The following LAMC3 variants were observed in gnomAD, a reference collection of about 807,000 sequenced individuals.
LAMC3 encodes the protein laminin subunit gamma 3.
A neutral mutation model predicts 173.8 loss-of-function variants in LAMC3; 128 were observed. That is an observed-to-expected ratio of 0.74 (90% CI 0.64 to 0.85). LAMC3 has a LOEUF of 0.85. Among genes scored for constraint, LAMC3 ranks in the 40% least tolerant of loss-of-function variants. The probability of loss-of-function intolerance (pLI) is 0.00; values close to 1 mark genes in which losing one functional copy is unlikely to be tolerated. For missense variants in LAMC3, 2,022 were observed against 2,156.0 expected, an observed-to-expected ratio of 0.94 and a Z score of 1.23; for synonymous variants, 897 against 909.1, an observed-to-expected ratio of 0.99 and a Z score of 0.24.
At chr9:131,068,011 T>G in intron 14 of LAMC3, 67 bp from the exon 15 acceptor site, 5 of 1,557,806 alleles carry the variant, frequency 3.2e-6, no homozygotes, top group Non-Finnish European at 4.4e-6. Context: ...CTGCCTCTGT[T>G]GGACCCCCAA....
At chr9:131,064,624 A>G (rs181916307) in intron 13 of LAMC3, among the ~76,000 whole-genome samples, 2 of 151,092 alleles carry the variant, frequency 1.3e-5, no homozygotes, top group Non-Finnish European at 2.9e-5. Flanking sequence ...AGATCGCGCC[A>G]CTGCACTCCA....
At chr9:131,076,675 AGAAAACCC>A (rs1830134113) in intron 21 of LAMC3, among the ~76,000 whole-genome samples, 1 of 152,154 alleles carries the variant, frequency 6.6e-6, no homozygotes, top group Non-Finnish European at 1.5e-5. Flanking sequence ...TGGTCAGGAC[AGAAAACCC>A]ATCCTAGCTG....
chr9:131,026,619 G>T lies in LAMC3; in HGVS notation c.678+30G>T. 2 of 1,536,002 alleles carry T rather than the reference G, an allele frequency of 1.3e-6. No homozygotes were observed. The highest frequency in any genetic ancestry group is 1.2e-5 in the South Asian group (1 of 82,280). ...GGGAGGAGCGGGGCTTCGGAGGTTGGGACGGGGTTGGGACTGGGTCACGGC... is the reference window on the plus strand; with the variant it reads ...GGGAGGAGCGGGGCTTCGGAGGTTGTGACGGGGTTGGGACTGGGTCACGGC... On this transcript the variant is annotated intron_variant, in intron 2 of 27. Transcript: ENST00000361069. This position sits in a 1 kb window ranked among gnomAD's most constrained non-coding sequence, Gnocchi z 4.8.
In LAMC3 at chr9:131,069,806, C is replaced by T. The variant is rs1400966524; in HGVS notation, c.3025C>T (p.His1009Tyr). 5.6e-6 allele frequency: 9 copies of T among 1,594,674 alleles called. No homozygotes were observed. In the African/African-American group the frequency reaches 9.4e-5, roughly 17 times the overall value. ...CTTCTTCCTCACGGCAGACGGCACA[C>T]ACTGCCAGCAATGTCCGTCCTGCTA... ...DNFFLTADGT[H>Y]CQQCPSCYAL... The change falls in exon 17 of 28, where the codon CAC becomes TAC. Residue 1009 changes from histidine to tyrosine, a missense_variant. Transcript: ENST00000361069.
At chr9:131,077,761 G>A (rs1830161048) in intron 22 of LAMC3, among the ~76,000 whole-genome samples, 1 of 148,046 alleles carries the variant, frequency 6.8e-6, no homozygotes, top group African/African-American at 2.5e-5. Context: ...AGAGGCAGGT[G>A]ATATGGCTCA....
At chr9:131,042,829 A>G (rs887249300) in intron 7 of LAMC3, among the ~76,000 whole-genome samples, 2 of 149,962 alleles carry the variant, frequency 1.3e-5, no homozygotes, top group Non-Finnish European at 3.0e-5. Context: ...AGACATCACT[A>G]ATGGCATACC....
At position 131,052,892 on chromosome 9, in the gene LAMC3, C is replaced by T. The variant is rs537785027; in HGVS notation, c.1866C>T (p.Pro622=). 2 of 1,614,022 alleles carry T rather than the reference C, an allele frequency of 1.2e-6. No individual in the cohort carries two copies. Among genetic ancestry groups the T allele is most frequent in the Non-Finnish European group, 1.7e-6 (2 of 1,180,002 alleles). Residue 622 remains proline, a synonymous_variant, in exon 11 of 28, where the codon CCC becomes CCT. Coordinates refer to ENST00000361069, the MANE Select transcript of LAMC3 (RefSeq NM_006059.4). ...TSEDVAPPLP[P]FHFQRLLANL... is the part of the protein sequence containing the mutation. ...AGGACGTGGCCCCTCCACTGCCCCC[C>T]TTCCACTTCCAGCGGCTCCTCGCCA...
intron 8 of LAMC3, among the ~76,000 whole-genome samples, chr9:131,047,145 T>C (rs1270117268): frequency 7.3e-5 from 11 of 150,714 alleles, no homozygotes; most frequent in Non-Finnish European, 1.5e-4. Context: ...TTCTCAAAAC[T>C]TTTTGGTCTC....
intron 1 of LAMC3, among the ~76,000 whole-genome samples, chr9:131,017,549 A>C (rs1483123729): frequency 8.3e-5 from 12 of 144,490 alleles, no homozygotes; most frequent in African/African-American, 3.0e-4. Flanking sequence ...ACATGGTGAA[A>C]CCCTTTCTCT....
Position 131,067,002 on chromosome 9 carries a change from C to T in LAMC3, c.2390C>T (p.Pro797Leu), listed in dbSNP as rs150965854. Reference protein sequence around the residue: ...EVCDDGFFGDPLGLFGHPQPC... With the variant: ...EVCDDGFFGDLLGLFGHPQPC... ...TGTGATGATGGCTTTTTTGGGGACCCGCTGGGGCTCTTTGGGCACCCCCAG... is the reference window on the plus strand; with the variant it reads ...TGTGATGATGGCTTTTTTGGGGACCTGCTGGGGCTCTTTGGGCACCCCCAG... The change falls in exon 14 of 28, where the codon CCG (proline) becomes CTG (leucine). Residue 797 changes from proline (P) to leucine (L), a missense_variant. Coordinates refer to ENST00000361069, the MANE Select transcript of LAMC3 (RefSeq NM_006059.4). 129 of 1,613,972 alleles carry T rather than the reference C, an allele frequency of 8.0e-5. 1 individual carries two copies. Among genetic ancestry groups the T allele is most frequent in the Admixed American group, 2.7e-4 (16 of 60,008 alleles).
At position 131,068,082 on chromosome 9, in the gene LAMC3, C is replaced by T; in HGVS notation, c.2598C>T (p.Cys866=). 6.2e-7 allele frequency: 1 copy of T among 1,610,810 alleles called. No homozygotes were observed. The highest frequency in any genetic ancestry group is 8.5e-7 in the Non-Finnish European group (1 of 1,179,998). Residue 866 remains cysteine (C), a synonymous_variant, in exon 15 of 28, where the codon TGC becomes TGT. Transcript: ENST00000361069. ...CCTTCCTGCTCCTGCCCCCAGCTTG[C>T]AGCTGTCACCCACAGGGCTCGGTCA... ...APRPADKCMP[C]SCHPQGSVSE... is the part of the protein sequence containing the mutation.
At chr9:131,046,882 C>T (rs1834174085) in intron 8 of LAMC3, among the ~76,000 whole-genome samples, 1 of 151,932 alleles carries the variant, frequency 6.6e-6, no homozygotes, top group Admixed American at 6.6e-5. Flanking sequence ...GACGCTGGGG[C>T]GGCCCCAGAC....
At chr9:131,078,157 C>G (rs553215940) in intron 22 of LAMC3, among the ~76,000 whole-genome samples, 4 of 152,142 alleles carry the variant, frequency 2.6e-5, no homozygotes, top group Non-Finnish European at 5.9e-5. Flanking sequence ...CGTGTCGATT[C>G]AGTAACCCTG....
At chr9:131,058,901 G>A (rs7027728) in intron 12 of LAMC3, among the ~76,000 whole-genome samples, 103,478 of 143,478 alleles carry the variant, frequency 0.72, 36,989 homozygotes, top group African/African-American at 0.8. Flanking sequence ...GAGGAAAAAA[G>A]AAAAAAAAAA....
intron 24 of LAMC3, among the ~76,000 whole-genome samples, chr9:131,084,354 G>T (rs1247645593): frequency 1.3e-5 from 2 of 151,818 alleles, no homozygotes; most frequent in Non-Finnish European, 2.9e-5. Flanking sequence ...AGGTCTATAG[G>T]TGTGTGCCAC....
chr9:131,042,683 G>A (rs1453665871), intron 7 of LAMC3, among the ~76,000 whole-genome samples: 1 of 151,660 alleles, frequency 6.6e-6, no homozygotes, highest in Non-Finnish European at 1.5e-5. Context: ...CATCACTAAT[G>A]GTGCCATATC....
In LAMC3 at chr9:131,053,187, C is replaced by T. The variant is rs1205088334; in HGVS notation, c.1939+222C>T. 2.6e-5 allele frequency among the ~76,000 whole-genome samples: 4 copies of T among 152,220 alleles called. No homozygotes were observed. In the East Asian group the frequency reaches 7.7e-4, roughly 29 times the overall value. On this transcript the variant is annotated intron_variant, in intron 11 of 27. Coordinates refer to ENST00000361069, the MANE Select transcript of LAMC3 (RefSeq NM_006059.4). ...GCTGAGGTCAGATGCAGGGAATGGACAGGAGAGAGGCCTGAAGGATGGGCC... is the reference window on the plus strand; with the variant it reads ...GCTGAGGTCAGATGCAGGGAATGGATAGGAGAGAGGCCTGAAGGATGGGCC...
intron 24 of LAMC3, 21 bp from the exon 25 acceptor site, chr9:131,085,503 C>T (rs1588170864): frequency 3.1e-6 from 5 of 1,613,302 alleles, no homozygotes; most frequent in Non-Finnish European, 4.2e-6. Context: ...TCCCCTGACC[C>T]AGCCTCAGCC....
chr9:131,036,406 A>C (rs1365545519), intron 4 of LAMC3, 74 bp downstream of exon 4: 12 of 1,548,788 alleles, frequency 7.7e-6, no homozygotes, highest in Non-Finnish European at 9.7e-6. Context: ...ACTCCCCAAA[A>C]CGTCGTGGTG....
Sources: gnomAD v4.1 joint callset for allele counts (sites outside exome capture counted in the v4.1 genomes callset) on GRCh38, gnomAD v4.1.1 for gene constraint, Gnocchi (gnomAD v3.1) non-coding constraint, MANE v1.5 for transcripts, NCBI Gene and HGNC (gene_info 2026-07-23, HGNC 2026-07-21) for gene names.